Variants in MBD5 observed in about 807,000 individuals in gnomAD.
The protein encoded by MBD5 is methyl-CpG binding domain protein 5.
A neutral mutation model predicts 117.3 loss-of-function variants in MBD5; 13 were observed. That is an observed-to-expected ratio of 0.11 (90% CI 0.07 to 0.18). MBD5 has a LOEUF of 0.18. Among genes scored for constraint, MBD5 ranks in the 10% least tolerant of loss-of-function variants. The pLI, the probability that MBD5 is intolerant of heterozygous loss-of-function variation, is 1.00. For missense variants in MBD5, 1,879 were observed against 2,093.8 expected (o/e 0.90, Z 2.00); for synonymous variants, 727 against 766.4 (o/e 0.95, Z 0.85).
intron 2 of MBD5, among the ~76,000 whole-genome samples, chr2:148,214,006 T>A (rs1699492061): frequency 6.6e-6 from 1 of 152,210 alleles, no homozygotes; most frequent in South Asian, 2.1e-4. Flanking sequence ...ACATGCTTCT[T>A]AGGCCTCTAG....
intron 2 of MBD5, among the ~76,000 whole-genome samples, chr2:148,186,698 A>G (rs1698667945): frequency 6.6e-6 from 1 of 152,212 alleles, no homozygotes; most frequent in African/African-American, 2.4e-5. Flanking sequence ...AGACACGAAG[A>G]GCCAGATGGG....
At chr2:148,144,022 C>A (rs541570630) in intron 1 of MBD5, among the ~76,000 whole-genome samples, 97 of 152,318 alleles carry the variant, frequency 6.4e-4, no homozygotes, top group African/African-American at 2.2e-3. Flanking sequence ...CTTGAGGAAT[C>A]GCTACACTGT....
Position 148,469,966 on chromosome 2 carries a change from A to C in MBD5, c.2023A>C (p.Met675Leu). 1 of 1,613,840 alleles carries C rather than the reference A, an allele frequency of 6.2e-7. No homozygotes were observed. Among genetic ancestry groups the C allele is most frequent in the South Asian group, 1.1e-5 (1 of 91,086 alleles). ...TVLSLLRQSQMDSSAVPKPGP... is the reference protein window; with the variant it reads ...TVLSLLRQSQLDSSAVPKPGP... ...GTTGAGTTTGCTCAGACAGTCTCAAATGGATAGTTCTGCAGTTCCTAAACC... is the reference window on the plus strand; with the variant it reads ...GTTGAGTTTGCTCAGACAGTCTCAACTGGATAGTTCTGCAGTTCCTAAACC... The change falls in exon 8 of 14, where the codon ATG becomes CTG. Residue 675 changes from methionine (M) to leucine (L), a missense_variant. Transcript: ENST00000642680.
At position 148,256,001 on chromosome 2, in the gene MBD5, A is replaced by G. The variant is rs1036597449; in HGVS notation, c.-680+22606A>G. On this transcript the variant is annotated intron_variant, in intron 3 of 13. Coordinates refer to ENST00000642680, the MANE Select transcript of MBD5 (RefSeq NM_001378120.1). ...GTGTTCTGTTGGTCAGCCACCCTAC[A>G]AGTGTAGGTGAACAACAGGCCTGTG... is the stretch of plus-strand genomic sequence containing the variant. Among the ~76,000 whole-genome samples, 3 of 152,222 alleles carry G rather than the reference A, an allele frequency of 2.0e-5. No homozygotes were observed. In the South Asian group the frequency reaches 6.2e-4, roughly 32 times the overall value.
At chr2:148,421,328 G>A (rs910658960) in intron 4 of MBD5, among the ~76,000 whole-genome samples, 1 of 152,138 alleles carries the variant, frequency 6.6e-6, no homozygotes, top group African/African-American at 2.4e-5. Flanking sequence ...AGCGGTCAGG[G>A]TATTTCCCTC....
chr2:148,296,352 G>A (rs1244136211), intron 3 of MBD5: 1 of 163,198 alleles, frequency 6.1e-6, no homozygotes, highest in African/African-American at 2.4e-5. Flanking sequence ...AACTTCTCGG[G>A]CGATATTACT....
intron 1 of MBD5, among the ~76,000 whole-genome samples, chr2:148,150,256 T>G (rs939273730): frequency 9.4e-5 from 14 of 149,168 alleles, no homozygotes; most frequent in African/African-American, 3.5e-4. Flanking sequence ...GTTGTAGATA[T>G]GCGGCGTTAT....
chr2:148,416,528 A>C (rs1385787170), intron 4 of MBD5, among the ~76,000 whole-genome samples: 2 of 152,182 alleles, frequency 1.3e-5, no homozygotes, highest in South Asian at 2.1e-4. Context: ...GTATCTGTGC[A>C]TGTGTTTGCA....
chr2:148,430,746 A>T (rs996678646), intron 4 of MBD5, among the ~76,000 whole-genome samples: 6 of 152,108 alleles, frequency 3.9e-5, no homozygotes, highest in Admixed American at 1.3e-4. Context: ...ACAATAAGAG[A>T]ATAAAATGAA....
rs73015118 is a variant in MBD5, at chr2:148,340,688, G to A, written c.-679-1526G>A. On this transcript the variant is annotated intron_variant, in intron 3 of 13. Transcript: ENST00000642680. ...AAGTTTCTGCCTTTTGAAGCTAAAA[G>A]CCAGGTGGCAATAATATATACCTCA... 4.8e-3 allele frequency among the ~76,000 whole-genome samples: 737 copies of A among 152,110 alleles called. 8 individuals carry two copies. The highest frequency in any genetic ancestry group is 0.017 in the African/African-American group (688 of 41,504).
chr2:148,394,874 T>C (rs1704666619), intron 4 of MBD5, among the ~76,000 whole-genome samples: 1 of 152,204 alleles, frequency 6.6e-6, no homozygotes, highest in Non-Finnish European at 1.5e-5. Flanking sequence ...TTCTAACTCC[T>C]ATATCAACAC....
intron 2 of MBD5, among the ~76,000 whole-genome samples, chr2:148,232,378 G>T (rs553337293): frequency 1.3e-5 from 2 of 152,310 alleles, no homozygotes; most frequent in Non-Finnish European, 2.9e-5. Flanking sequence ...TACGTGGATA[G>T]TAGAGTAGTA....
chr2:148,457,439 T>A (rs891285204), intron 4 of MBD5, among the ~76,000 whole-genome samples: 2 of 152,176 alleles, frequency 1.3e-5, no homozygotes, highest in African/African-American at 4.8e-5. Context: ...GATTGGATAC[T>A]AAATCTTCTA....
chr2:148,391,701 G>A (rs561079911), intron 4 of MBD5, among the ~76,000 whole-genome samples: 1 of 152,126 alleles, frequency 6.6e-6, no homozygotes, highest in East Asian at 1.9e-4. Context: ...TTTTACAATA[G>A]GCACATTTAT....
chr2:148,389,959 C>T (rs929115966), intron 4 of MBD5, among the ~76,000 whole-genome samples: 1 of 151,980 alleles, frequency 6.6e-6, no homozygotes, highest in South Asian at 2.1e-4. Flanking sequence ...TTGTTTCTGT[C>T]GCATTTGCCT....
chr2:148,045,692 C>T (rs940218104), intron 1 of MBD5, among the ~76,000 whole-genome samples: 4 of 152,264 alleles, frequency 2.6e-5, no homozygotes, highest in Non-Finnish European at 5.9e-5. Flanking sequence ...AGGTCACTTT[C>T]TCAAGTGTAC....
chr2:148,409,506 G>A (rs1247360066), intron 4 of MBD5, among the ~76,000 whole-genome samples: 4 of 152,044 alleles, frequency 2.6e-5, no homozygotes, highest in Non-Finnish European at 5.9e-5. Flanking sequence ...TACTGTGATT[G>A]CTTCATGCTA....
intron 1 of MBD5, among the ~76,000 whole-genome samples, chr2:148,173,835 A>T (rs2105813604): frequency 6.6e-6 from 1 of 152,386 alleles, no homozygotes; most frequent in African/African-American, 2.4e-5. Flanking sequence ...GCATTGAAGA[A>T]ACTAATATTC....
At chr2:148,305,057 T>G (rs1453512133) in intron 3 of MBD5, among the ~76,000 whole-genome samples, 4 of 145,290 alleles carry the variant, frequency 2.8e-5, no homozygotes, top group Non-Finnish European at 6.0e-5. Context: ...AGAGCGAGAC[T>G]CCGTCTCAAA....
Sources: allele counts gnomAD v4.1 joint callset (sites outside exome capture counted in the v4.1 genomes callset), GRCh38; gene constraint gnomAD v4.1.1; transcripts MANE v1.5; gene names NCBI Gene and HGNC (gene_info 2026-07-23, HGNC 2026-07-21).